Variants in RNF38 observed in about 807,000 individuals in gnomAD.
RNF38 encodes ring finger protein 38.
A neutral mutation model predicts 67.2 loss-of-function variants in RNF38; 15 were observed. The observed-to-expected ratio is 0.22, with a 90% CI of 0.15 to 0.34. The LOEUF (loss-of-function observed/expected upper bound fraction) is 0.34, where lower values mean the gene tolerates loss of function less well. Among genes scored for constraint, RNF38 ranks in the 10% least tolerant of loss-of-function variants. The probability of loss-of-function intolerance (pLI) is 1.00; values close to 1 mark genes in which losing one functional copy is unlikely to be tolerated. For missense variants in RNF38, 524 were observed against 639.9 expected, an observed-to-expected ratio of 0.82 and a Z score of 1.95; for synonymous variants, 220 against 218.8, an observed-to-expected ratio of 1.01 and a Z score of -0.05.
intron 2 of RNF38, among the ~76,000 whole-genome samples, chr9:36,410,918 T>C (rs1475529): frequency 0.022 from 3,351 of 152,076 alleles, 108 homozygotes; most frequent in African/African-American, 0.071. Context: ...AGAATTTCAG[T>C]TTAGGAAGAT....
chr9:36,456,864 G>T (rs751550160), intron 1 of RNF38, among the ~76,000 whole-genome samples: 2 of 152,084 alleles, frequency 1.3e-5, no homozygotes. Flanking sequence ...TAAGATATGA[G>T]AACTTTAATA....
At chr9:36,374,397 G>A (rs748051046) in intron 3 of RNF38, among the ~76,000 whole-genome samples, 3 of 152,166 alleles carry the variant, frequency 2.0e-5, no homozygotes, top group Non-Finnish European at 4.4e-5. Flanking sequence ...CAACATAGTC[G>A]GTTTTTGGAG....
exon 1 of RNF38, chr9:36,487,443 G>A (rs1840445721): frequency 2.0e-6 from 2 of 980,870 alleles, no homozygotes; most frequent in Non-Finnish European, 2.4e-6. Context: ...GGGCGGCGCG[G>A]GGGCCCAAGC....
chr9:36,411,315 G>A (rs1424746841), intron 2 of RNF38, among the ~76,000 whole-genome samples: 1 of 152,150 alleles, frequency 6.6e-6, no homozygotes, highest in East Asian at 1.9e-4. Context: ...CTGCACTGTT[G>A]GTGGGAATAT....
intron 4 of RNF38, among the ~76,000 whole-genome samples, chr9:36,364,710 G>C (rs960738084): frequency 2.6e-5 from 4 of 152,204 alleles, no homozygotes; most frequent in African/African-American, 4.8e-5. Context: ...TTCATGACTA[G>C]AACAGTGGTT....
intron 2 of RNF38, among the ~76,000 whole-genome samples, chr9:36,384,053 T>G (rs966838610): frequency 1.3e-5 from 2 of 152,164 alleles, no homozygotes; most frequent in African/African-American, 4.8e-5. Context: ...TGATGTTATA[T>G]ACTATATTTT....
chr9:36,356,347 G>C lies in RNF38; in HGVS notation c.865C>G (p.Pro289Ala). 6.2e-7 allele frequency: 1 copy of C among 1,614,064 alleles called. No individual in the cohort carries two copies. The highest frequency in any genetic ancestry group is 2.2e-5 in the East Asian group (1 of 44,870). ...TGGAAAGGGACAAACTGGCCTGGTG[G>C]TGGCAAATGAGGAGGATGATGGGGA... is the stretch of plus-strand genomic sequence containing the variant. ...LSPHHPPHLP[P>A]PGQFVPFQTQ... The change falls in exon 6 of 12, where the codon CCA (proline) becomes GCA (alanine). Residue 289 changes from proline (P) to alanine (A), a missense_variant. By Grantham distance (27) the Pro-to-Ala change is conservative (BLOSUM62 -1). Around this residue, in one of 2 missense-constraint regions of RNF38, gnomAD observed 461 missense variants for 517.4 expected, o/e 0.89. Transcript: ENST00000259605.
At chr9:36,353,906 C>A (rs763224153) in intron 6 of RNF38, among the ~76,000 whole-genome samples, 8 of 152,132 alleles carry the variant, frequency 5.3e-5, no homozygotes, top group Non-Finnish European at 1.0e-4. Context: ...ATAAAACCGG[C>A]ATGCTCAGAG....
At chr9:36,375,852 G>A in intron 3 of RNF38, 82 bp downstream of exon 3, 1 of 1,340,948 alleles carries the variant, frequency 7.5e-7, no homozygotes, top group South Asian at 1.4e-5. Flanking sequence ...AATGCCTACA[G>A]AAAAAATGTT....
At chr9:36,474,634 A>G (rs1280419641) in intron 1 of RNF38, among the ~76,000 whole-genome samples, 1 of 148,336 alleles carries the variant, frequency 6.7e-6, no homozygotes, top group African/African-American at 2.5e-5. Flanking sequence ...TTTCATCTGT[A>G]CAATAAGTAT....
intron 1 of RNF38, among the ~76,000 whole-genome samples, chr9:36,460,885 C>CAAAAAAAAAAAAAAAAAAAAAA (rs752827635): frequency 7.6e-5 from 4 of 52,930 alleles, no homozygotes; most frequent in Admixed American, 2.6e-4. Context: ...GAAACTCTCT[C>CAAAAAAAAAAAAAAAAAAAAAA]AAAAAAAAAA....
At chr9:36,386,800 T>C (rs1587578261) in intron 2 of RNF38, among the ~76,000 whole-genome samples, 1 of 152,082 alleles carries the variant, frequency 6.6e-6, no homozygotes, top group Non-Finnish European at 1.5e-5. Context: ...AGTTACCCAA[T>C]ATGGTCTATT....
chr9:36,439,635 T>C (rs530732033), intron 1 of RNF38, among the ~76,000 whole-genome samples: 4 of 151,718 alleles, frequency 2.6e-5, no homozygotes, highest in Non-Finnish European at 5.9e-5. Flanking sequence ...CAAAACCCCG[T>C]CTCTACTAAA....
intron 1 of RNF38, among the ~76,000 whole-genome samples, chr9:36,427,454 A>G (rs185986596): frequency 7.9e-5 from 12 of 152,282 alleles, no homozygotes; most frequent in Admixed American, 1.3e-4. Flanking sequence ...ATGTAAGGGT[A>G]TTCGGAGGTG....
chr9:36,434,415 G>C (rs1482095831), intron 1 of RNF38, among the ~76,000 whole-genome samples: 2 of 151,860 alleles, frequency 1.3e-5, no homozygotes, highest in African/African-American at 4.8e-5. Context: ...ATGGAGTTTT[G>C]CTCTTGTTGC....
At position 36,367,659 on chromosome 9, in the gene RNF38, T is replaced by G. The variant is rs578042953; in HGVS notation, c.570+2060A>C. Among the ~76,000 whole-genome samples, 174 of 152,348 alleles carry G rather than the reference T, an allele frequency of 1.1e-3. 1 individual carries two copies. Among genetic ancestry groups the G allele is most frequent in the African/African-American group, 4.0e-3 (168 of 41,588 alleles). ...TTTTAATACACCACTAGCTATGGTT[T>G]ATTATTTAAAACTTTTTCATCTGTA... On this transcript the variant is annotated intron_variant, in intron 4 of 11. Transcript: ENST00000259605.
At chr9:36,458,767 G>A (rs891467897) in intron 1 of RNF38, among the ~76,000 whole-genome samples, 3 of 152,122 alleles carry the variant, frequency 2.0e-5, no homozygotes, top group South Asian at 2.1e-4. Context: ...AGAACACACC[G>A]GAAGGAATAA....
At chr9:36,355,473 T>TC (rs1049054655) in intron 6 of RNF38, among the ~76,000 whole-genome samples, 2 of 152,216 alleles carry the variant, frequency 1.3e-5, no homozygotes, top group African/African-American at 4.8e-5. Flanking sequence ...GTTAACAGAC[T>TC]ACCTCATCTG....
chr9:36,399,455 T>A (rs1409315069), intron 1 of RNF38, among the ~76,000 whole-genome samples: 1 of 148,228 alleles, frequency 6.7e-6, no homozygotes, highest in South Asian at 2.1e-4. Flanking sequence ...ATTAGCAGGT[T>A]TGCAAAAGGT....
Sources: allele counts gnomAD v4.1 joint callset (sites outside exome capture counted in the v4.1 genomes callset), GRCh38; gene constraint gnomAD v4.1.1; regional missense constraint gnomAD v4.1.1; transcripts MANE v1.5; gene names NCBI Gene and HGNC (gene_info 2026-07-23, HGNC 2026-07-21).